DDHD2: variants seen among roughly 807,000 people sequenced by gnomAD.
DDHD2 encodes the protein DDHD domain containing 2, also known as triacylglycerol hydrolase DDHD2.
A neutral mutation model predicts 91.2 loss-of-function variants in DDHD2; 62 were observed. The ratio of observed to expected loss-of-function variants is 0.68; its 90% CI spans 0.55 to 0.84. The LOEUF (loss-of-function observed/expected upper bound fraction) is 0.84, where lower values mean the gene tolerates loss of function less well. Among genes scored for constraint, DDHD2 ranks in the 40% least tolerant of loss-of-function variants. DDHD2 has a pLI of 0.00. For missense variants in DDHD2, 740 were observed against 846.9 expected (o/e 0.87, Z 1.57); for synonymous variants, 271 against 293.9 (o/e 0.92, Z 0.80).
chr8:38,270,591 CAAG>C (rs1280433826), intron 1 of DDHD2: 1 of 152,136 alleles, frequency 6.6e-6, no homozygotes, highest in African/African-American at 2.4e-5. Flanking sequence ...TCTAAACTGA[CAAG>C]AATACCTTAT....
downstream of DDHD2, chr8:38,263,507 C>T: frequency 1.0e-6 from 1 of 985,386 alleles, no homozygotes; most frequent in Non-Finnish European, 1.2e-6. Flanking sequence ...CACTCCTGAC[C>T]ATTTTCTTCT....
At chr8:38,241,967 T>G in intron 6 of DDHD2, 1 of 263,852 alleles carries the variant, frequency 3.8e-6, no homozygotes, top group Non-Finnish European at 7.0e-6. Flanking sequence ...GGCAGGAGAA[T>G]TGCTTAAACC....
At chr8:38,270,601 T>G (rs542254438) in intron 1 of DDHD2, 7 of 152,354 alleles carry the variant, frequency 4.6e-5, no homozygotes, top group African/African-American at 1.7e-4. Flanking sequence ...CAAGAATACC[T>G]TATTCAATAC....
At position 38,233,095 on chromosome 8, in the gene DDHD2, G is replaced by C; in HGVS notation, c.101G>C (p.Gly34Ala). ...TTTGAGCTAATAGACATGGATGCTG[G>C]CAGCTTGTATGAACCAGTTTCTCCC... is the stretch of plus-strand genomic sequence containing the variant. Reference protein sequence around the residue: ...SSFELIDMDAGSLYEPVSPHW... With the variant: ...SSFELIDMDAASLYEPVSPHW... Residue 34 changes from glycine (G) to alanine (A), a missense_variant, in exon 2 of 18, where the codon GGC becomes GCC. Gly to Ala is a moderately conservative substitution (Grantham distance 60). This residue lies in a region of DDHD2 where 693 missense variants were observed against 764.2 expected (regional missense o/e 0.91). Transcript: ENST00000397166. 6.2e-7 allele frequency: 1 copy of C among 1,614,112 alleles called. No homozygotes were observed. Among genetic ancestry groups the C allele is most frequent in the Non-Finnish European group, 8.5e-7 (1 of 1,179,992 alleles).
At chr8:38,267,574 G>A (rs1022128374), downstream of DDHD2, 3 of 717,638 alleles carry the variant, frequency 4.2e-6, no homozygotes, top group African/African-American at 5.4e-5. Context: ...ATTTAAATTA[G>A]GGGAAAAACG....
intron 7 of DDHD2, among the ~76,000 whole-genome samples, chr8:38,243,718 C>T (rs983334079): frequency 2.0e-5 from 3 of 151,884 alleles, no homozygotes; most frequent in Non-Finnish European, 4.4e-5. Context: ...GCCTGGACCT[C>T]CCTGGGCTCA....
chr8:38,265,245 G>A (rs111616961), downstream of DDHD2, among the ~76,000 whole-genome samples: 809 of 137,430 alleles, frequency 5.9e-3, 5 homozygotes, highest in African/African-American at 0.02. Flanking sequence ...CAGCCTGGGC[G>A]CAGAGCTAGA....
At chr8:38,241,184 T>C (rs1005342158) in intron 6 of DDHD2, among the ~76,000 whole-genome samples, 3 of 152,132 alleles carry the variant, frequency 2.0e-5, no homozygotes, top group Admixed American at 1.3e-4. Context: ...TAGAATTGTA[T>C]TGTGGAAGGT....
chr8:38,269,359 G>T lies in DDHD2; in HGVS notation n.88-1763G>T, dbSNP rs567749543. ...GTGCCGAGGGCATCGTCTGGCAAAG[G>T]GTACGCAAAGCCAGCGGAGCTGCCC... On this transcript the variant is annotated intron_variant and non_coding_transcript_variant, in intron 1 of 1. Coordinates refer to the DDHD2 transcript ENST00000526071. 3.7e-4 allele frequency: 276 copies of T among 740,026 alleles called. 1 individual carries two copies. In the African/African-American group the frequency reaches 4.4e-3, roughly 12 times the overall value. The allele number at this position is 740,026 out of a possible 1,614,324, so 45.8% of individuals were successfully genotyped here. A position where few individuals can be genotyped will look rare whatever the true frequency, so the allele number is the denominator to read the frequency against.
Position 38,234,542 on chromosome 8 carries a change from TA to T in DDHD2, c.371del (p.Lys124SerfsTer13), listed in dbSNP as rs1475369039. The stretch of plus-strand genomic sequence containing the variant: ...GGTTTTACAAGGGGGACAAAGACAA[TA>T]AGTATGTTCCCTACTCGGAGAGCTT... Reference protein sequence around the residue: ...TWFYKGDKDNKYVPYSESFSQ... With the variant: ...TWFYKGDKDNXYVPYSESFSQ... On this transcript the variant is annotated frameshift_variant, in exon 3 of 18. Transcript: ENST00000397166. LOFTEE classifies it high-confidence loss of function. 33 of 1,612,546 alleles carry T rather than the reference TA, an allele frequency of 2.0e-5. No individual in the cohort carries two copies. The highest frequency in any genetic ancestry group is 2.6e-5 in the Non-Finnish European group (31 of 1,179,722).
downstream of DDHD2, chr8:38,273,350 T>A (rs1808531030): frequency 6.6e-6 from 1 of 152,080 alleles, no homozygotes; most frequent in Non-Finnish European, 1.5e-5. Flanking sequence ...CTATTAATCA[T>A]AATTTTTTTT....
At position 38,233,047 on chromosome 8, in the gene DDHD2, C is replaced by CT; in HGVS notation, c.53_54insT (p.Ser19ValfsTer6). The CT allele has an allele frequency of 6.2e-7, 1 of 1,614,192 alleles. No individual in the cohort carries two copies. The stretch of plus-strand genomic sequence containing the variant: ...CAGTTGTCCCAGTCAGATCCATCTC[C>CT]GTCACCAAACTCATGTAGTTCCTTT... On this transcript the variant is annotated frameshift_variant, in exon 2 of 18. Transcript: ENST00000397166. LOFTEE classifies it high-confidence loss of function.
intron 6 of DDHD2, among the ~76,000 whole-genome samples, chr8:38,241,726 A>T (rs1375340265): frequency 1.3e-5 from 2 of 148,730 alleles, no homozygotes; most frequent in Admixed American, 1.3e-4. Context: ...GCCTGAAGTT[A>T]GCCTTCTTTT....
At chr8:38,264,252 A>T, downstream of DDHD2, 1 of 753,844 alleles carries the variant, frequency 1.3e-6, no homozygotes. Flanking sequence ...GGTTCAAGCA[A>T]TTCTCCTACC....
intron 16 of DDHD2, among the ~76,000 whole-genome samples, chr8:38,259,753 GTA>G (rs1806827231): frequency 6.6e-6 from 1 of 152,136 alleles, no homozygotes; most frequent in East Asian, 1.9e-4. Context: ...TTCCAGACCT[GTA>G]GTGACTTGTC....
downstream of DDHD2, among the ~76,000 whole-genome samples, chr8:38,265,264 C>CAAAA (rs1228103198): frequency 1.4e-5 from 1 of 71,002 alleles, no homozygotes; most frequent in Non-Finnish European, 2.7e-5. Context: ...GACTCTGTCT[C>CAAAA]AAAAAAAAAA....
chr8:38,243,513 A>G (rs1311545581), intron 7 of DDHD2, among the ~76,000 whole-genome samples: 8 of 152,132 alleles, frequency 5.3e-5, no homozygotes, highest in African/African-American at 2.4e-5. Flanking sequence ...GAATCCTTGT[A>G]TACTGATTAC....
intron 1 of DDHD2, chr8:38,269,322 G>C: frequency 9.6e-7 from 1 of 1,041,288 alleles, no homozygotes; most frequent in Non-Finnish European, 1.3e-6. Flanking sequence ...CCAGGAAGAC[G>C]GCCTGGCGGC....
intron 16 of DDHD2, among the ~76,000 whole-genome samples, chr8:38,256,194 A>G (rs1331885542): frequency 6.6e-6 from 1 of 151,970 alleles, no homozygotes; most frequent in East Asian, 1.9e-4. Context: ...CACTCCTCCT[A>G]ATTTCCAGGG....
Sources: gnomAD v4.1 joint callset for allele counts (sites outside exome capture counted in the v4.1 genomes callset) on GRCh38, gnomAD v4.1.1 for gene constraint, gnomAD v4.1.1 regional missense constraint, MANE v1.5 for transcripts, NCBI Gene and HGNC (gene_info 2026-07-23, HGNC 2026-07-21) for gene names.